SEC14L1: variants seen among roughly 807,000 people sequenced by gnomAD.
The protein encoded by SEC14L1 is SEC14 like lipid binding 1, also known as SEC14-like protein 1.
A neutral mutation model predicts 85.3 loss-of-function variants in SEC14L1; 48 were observed. The observed-to-expected ratio is 0.56, with a 90% CI of 0.45 to 0.72. The LOEUF is 0.72. Among genes scored for constraint, SEC14L1 ranks in the 30% least tolerant of loss-of-function variants. SEC14L1 has a pLI of 0.00. For synonymous variants in SEC14L1, 391 were observed against 355.5 expected (o/e 1.10, Z -1.12); for missense variants, 682 against 921.4 (o/e 0.74, Z 3.36).
chr17:77,164,325 G>A (rs1302335806), intron 3 of SEC14L1, among the ~76,000 whole-genome samples: 5 of 152,222 alleles, frequency 3.3e-5, no homozygotes, highest in African/African-American at 1.2e-4. Context: ...CTCTCTGGGA[G>A]TCACTCTGAA....
At chr17:77,099,586 G>C (rs533000019) in intron 3 of SEC14L1, among the ~76,000 whole-genome samples, 42 of 152,202 alleles carry the variant, frequency 2.8e-4, no homozygotes, top group Admixed American at 1.2e-3. Flanking sequence ...GTGAAACCTC[G>C]TCTCTACTAA....
chr17:77,196,256 A>G lies in SEC14L1; in HGVS notation c.764A>G (p.Gln255Arg). ...TACCTGGGCGATTTGACTCCGCTGC[A>G]GGAGAGCTGCCTCATTAGACTTCGC... is the stretch of plus-strand genomic sequence containing the variant. The part of the protein sequence containing the change: ...KRYLGDLTPL[Q>R]ESCLIRLRQW... Residue 255 changes from glutamine (Q) to arginine (R), a missense_variant, in exon 8 of 17, where the codon CAG becomes CGG. By Grantham distance (43) the Gln-to-Arg change is conservative. Coordinates refer to ENST00000436233, the MANE Select transcript of SEC14L1 (RefSeq NM_001143998.2). The G allele has an allele frequency of 6.2e-7, 1 of 1,614,208 alleles. No individual in the cohort carries two copies. The highest frequency in any genetic ancestry group is 1.1e-5 in the South Asian group (1 of 91,088).
chr17:77,096,881 T>C (rs187677925), intron 3 of SEC14L1, among the ~76,000 whole-genome samples: 1 of 152,318 alleles, frequency 6.6e-6, no homozygotes, highest in East Asian at 1.9e-4. Flanking sequence ...CAAAAAGTTA[T>C]GCAGAAGATT....
rs370582757 is a variant in SEC14L1 at position 77,206,301 on chromosome 17, G to A, written c.1242G>A (p.Leu414=). 7.4e-6 allele frequency: 12 copies of A among 1,614,186 alleles called. No individual in the cohort carries two copies. Among genetic ancestry groups the A allele is most frequent in the African/African-American group, 1.3e-5 (1 of 75,048 alleles). The stretch of plus-strand genomic sequence containing the variant: ...TGTGGAGACCTGGTGTGAAAGCGCT[G>A]CTGCGGATCATCGAGGTGGTGGAGG... The part of the protein sequence containing the change: ...RHLWRPGVKA[L]LRIIEVVEAN... The change falls in exon 12 of 17, where the codon CTG becomes CTA. Residue 414 remains leucine, a synonymous_variant. Coordinates refer to ENST00000436233, the MANE Select transcript of SEC14L1 (RefSeq NM_001143998.2). The surrounding 1 kb of genome is among the most constrained non-coding windows in gnomAD (Gnocchi z 4.3).
At chr17:77,211,006 G>A (rs1479699116) in intron 14 of SEC14L1, 2 of 152,436 alleles carry the variant, frequency 1.3e-5, no homozygotes, top group Admixed American at 6.5e-5. Flanking sequence ...GGAGCTGCCT[G>A]GGGAGCCACT....
chr17:77,118,728 G>A (rs989751138), intron 3 of SEC14L1, among the ~76,000 whole-genome samples: 2 of 152,284 alleles, frequency 1.3e-5, no homozygotes, highest in East Asian at 1.9e-4. Context: ...TCAGATGTTC[G>A]TAGCAGGCGT....
intron 3 of SEC14L1, among the ~76,000 whole-genome samples, chr17:77,115,579 TG>T (rs1398665221): frequency 6.6e-6 from 1 of 152,064 alleles, no homozygotes; most frequent in African/African-American, 2.4e-5. Context: ...TGTGAAGGGG[TG>T]GAGGTCTAGG....
At chr17:77,108,458 C>T (rs979273304) in intron 3 of SEC14L1, among the ~76,000 whole-genome samples, 1 of 152,078 alleles carries the variant, frequency 6.6e-6, no homozygotes, top group Non-Finnish European at 1.5e-5. Flanking sequence ...AATGTATAGG[C>T]CAGGTGTGGT....
At chr17:77,126,067 C>G (rs550979770) in intron 3 of SEC14L1, among the ~76,000 whole-genome samples, 3 of 152,340 alleles carry the variant, frequency 2.0e-5, no homozygotes, top group African/African-American at 7.2e-5. Flanking sequence ...AGGAGAATCG[C>G]TGGAACCCAG....
Position 77,205,299 on chromosome 17 carries a change from G to C in SEC14L1, c.1122G>C (p.Gly374=), listed in dbSNP as rs749988062. 1.2e-6 allele frequency: 2 copies of C among 1,613,982 alleles called. No individual in the cohort carries two copies. The highest frequency in any genetic ancestry group is 2.2e-5 in the South Asian group (2 of 91,088). The part of the protein sequence containing the change: ...LRYVLSINEE[G]LRRCEENTKV... ...AGGTTCTCTCCATAAATGAAGAAGG[G>C]CTAAGGCGATGCGAAGAGAATACAA... Residue 374 remains glycine, a synonymous_variant, in exon 11 of 17, where the codon GGG becomes GGC. Coordinates refer to ENST00000436233, the MANE Select transcript of SEC14L1 (RefSeq NM_001143998.2).
At chr17:77,149,859 T>G (rs1459247655) in intron 3 of SEC14L1, among the ~76,000 whole-genome samples, 6 of 149,154 alleles carry the variant, frequency 4.0e-5, no homozygotes, top group East Asian at 3.9e-4. Context: ...GATTTGTGTT[T>G]TTTTTTTTTT....
intron 13 of SEC14L1, among the ~76,000 whole-genome samples, chr17:77,207,882 C>G (rs1217766980): frequency 1.3e-5 from 2 of 152,184 alleles, no homozygotes; most frequent in African/African-American, 4.8e-5. Flanking sequence ...CAGAGAAGCT[C>G]AGAACCTTGG....
At chr17:77,136,539 G>C (rs1972806171), upstream of SEC14L1, among the ~76,000 whole-genome samples, 1 of 152,166 alleles carries the variant, frequency 6.6e-6, no homozygotes, top group African/African-American at 2.4e-5. Context: ...TGGGTGTGTG[G>C]TCACTTGGCA....
chr17:77,190,063 A>T (rs562787003), intron 3 of SEC14L1, among the ~76,000 whole-genome samples: 1 of 151,918 alleles, frequency 6.6e-6, no homozygotes, highest in African/African-American at 2.4e-5. Context: ...AAGATTTTCT[A>T]TTTTTTTTCC....
In SEC14L1 at chr17:77,211,944, T is replaced by A. The variant is rs1248581148; in HGVS notation, c.1612-6T>A. 6 of 1,613,232 alleles carry A rather than the reference T, an allele frequency of 3.7e-6. 1 individual carries two copies. The African/African-American group carries it at 4.0e-5, about 11-fold the overall frequency. On this transcript the variant is annotated splice_region_variant and splice_polypyrimidine_tract_variant and intron_variant, in intron 14 of 16. Coordinates refer to ENST00000436233, the MANE Select transcript of SEC14L1 (RefSeq NM_001143998.2). Reference sequence around the variant, plus strand: ...TCGTGGCTGCCTAACGCTGCCTCTTTTTCAGATTCTCATTCAGATTGTGGA... The same window carrying A: ...TCGTGGCTGCCTAACGCTGCCTCTTATTCAGATTCTCATTCAGATTGTGGA...
At chr17:77,095,120 C>G (rs575883454) in intron 3 of SEC14L1, 1 of 152,282 alleles carries the variant, frequency 6.6e-6, no homozygotes, top group African/African-American at 2.4e-5. Context: ...TGCACAGTTC[C>G]TCGAGGAGTT....
intron 3 of SEC14L1, among the ~76,000 whole-genome samples, chr17:77,180,046 T>TTGTTA (rs67421763): frequency 0.075 from 9,051 of 120,932 alleles, 357 homozygotes; most frequent in African/African-American, 0.12. Context: ...ATGTTTTGTT[T>TTGTTA]TGTTATGTTA....
At chr17:77,135,557 C>T (rs930241313) in intron 3 of SEC14L1, among the ~76,000 whole-genome samples, 3 of 151,866 alleles carry the variant, frequency 2.0e-5, no homozygotes, top group Non-Finnish European at 4.4e-5. Context: ...GACAGTGTTG[C>T]TCTGTCTCTC....
chr17:77,150,291 C>T (rs555131793), intron 3 of SEC14L1, among the ~76,000 whole-genome samples: 1 of 152,272 alleles, frequency 6.6e-6, no homozygotes, highest in South Asian at 2.1e-4. Flanking sequence ...AGGCCAGTGA[C>T]TAGTGTAAGA....
Sources: allele counts gnomAD v4.1 joint callset (sites outside exome capture counted in the v4.1 genomes callset), GRCh38; gene constraint gnomAD v4.1.1; non-coding constraint Gnocchi (gnomAD v3.1); transcripts MANE v1.5; gene names NCBI Gene and HGNC (gene_info 2026-07-23, HGNC 2026-07-21).